The following EIF3B variants were observed in gnomAD, a reference collection of about 807,000 sequenced individuals.
EIF3B encodes eukaryotic translation initiation factor 3 subunit 9.
EIF3B carries 10 observed loss-of-function variants against 104.6 expected under a neutral mutation model. The ratio of observed to expected loss-of-function variants is 0.10; its 90% confidence interval spans 0.06 to 0.16. EIF3B has a LOEUF of 0.16. EIF3B is among the 10% of genes least tolerant of loss of function. The pLI, the probability that EIF3B is intolerant of heterozygous loss-of-function variation, is 1.00. For missense variants in EIF3B, 1,014 were observed against 1,087.9 expected (o/e 0.93, Z 0.96); for synonymous variants, 542 against 417.2 (o/e 1.30, Z -3.65).
At position 2,366,301 on chromosome 7, in the gene EIF3B, T is replaced by G. The variant is rs749669315; in HGVS notation, c.1158-16T>G. 1.3e-5 allele frequency: 20 copies of G among 1,592,612 alleles called. No homozygotes were observed. The highest frequency in any genetic ancestry group is 1.7e-5 in the Non-Finnish European group (20 of 1,170,784). On this transcript the variant is annotated splice_polypyrimidine_tract_variant and intron_variant, in intron 6 of 18. Coordinates refer to ENST00000360876, the MANE Select transcript of EIF3B (RefSeq NM_001037283.2). ...GTGAGAGGAGGATAGTGTACAGTGT[T>G]GCCCTTCTCTTCTAGGTACCTGGTG...
In EIF3B at chr7:2,354,941, T is replaced by A; in HGVS notation, c.20T>A (p.Val7Glu). ...GGGCCCATGCAGGACGCGGAGAACGTGGCGGTGCCCGAGGCGGCCGAGGAG... is the reference window on the plus strand; with the variant it reads ...GGGCCCATGCAGGACGCGGAGAACGAGGCGGTGCCCGAGGCGGCCGAGGAG... The part of the protein sequence containing the change: MQDAEN[V>E]AVPEAAEERA... Residue 7 changes from valine (V) to glutamate (E), a missense_variant, in exon 1 of 19, where the codon GTG (valine) becomes GAG (glutamate). Val to Glu is a moderately radical substitution (Grantham distance 121, BLOSUM62 -2). This residue lies in a region of EIF3B where 488 missense variants were observed against 404.3 expected (regional missense o/e 1.21). Coordinates refer to ENST00000360876, the MANE Select transcript of EIF3B (RefSeq NM_001037283.2). 8.2e-7 allele frequency: 1 copy of A among 1,226,246 alleles called. No homozygotes were observed. The allele number at this position is 1,226,246 out of a possible 1,614,324, so 76.0% of individuals were successfully genotyped here.
chr7:2,379,050 G>A lies in EIF3B; in HGVS notation c.2233-84G>A, dbSNP rs1031429304. The stretch of plus-strand genomic sequence containing the variant: ...AGTGCCTCTGTATGCTGTCCTTCTG[G>A]CACCGTCCGCCTGGGTGTGGGCTCT... On this transcript the variant is annotated intron_variant, in intron 16 of 18. Transcript: ENST00000360876. The A allele has an allele frequency of 2.0e-5, 24 of 1,184,108 alleles. No homozygotes were observed. The African/African-American group carries it at 3.2e-4, about 16-fold the overall frequency. The allele number at this position is 1,184,108 out of a possible 1,614,324, so 73.4% of individuals were successfully genotyped here. A position where few individuals can be genotyped will look rare whatever the true frequency, so the allele number is the denominator to read the frequency against.
At position 2,377,497 on chromosome 7, in the gene EIF3B, GGATGCTGTGTTGTGT is replaced by G. The variant is rs1237154410; in HGVS notation, c.2154+425_2154+439del. ...GAAGGAGCAGGCACGAGCGCTCCTG[GGATGCTGTGTTGTGT>G]GAATGACCCTGGGTGTCAAGGAGGA... On this transcript the variant is annotated intron_variant, in intron 15 of 18. Transcript: ENST00000360876. Among the ~76,000 whole-genome samples, 157 of 140,084 alleles carry G rather than the reference GGATGCTGTGTTGTGT, an allele frequency of 1.1e-3. 1 individual carries two copies. The highest frequency in any genetic ancestry group is 3.5e-3 in the African/African-American group (130 of 36,922). 91.9% of individuals were successfully genotyped at this position (140,084 alleles called of 152,430 possible).
In EIF3B at chr7:2,355,367, A is replaced by G. The variant is rs775335656; in HGVS notation, c.446A>G (p.Asp149Gly). 220 of 1,536,612 alleles carry G rather than the reference A, an allele frequency of 1.4e-4. No individual in the cohort carries two copies. The highest frequency in any genetic ancestry group is 4.5e-4 in the Admixed American group (23 of 51,196). The part of the protein sequence containing the change: ...EPRALENGDA[D>G]EPSFSDPEDF... Reference sequence around the variant, plus strand: ...CGGGCGCTGGAGAACGGCGACGCGGACGAGCCCTCCTTCAGCGACCCCGAG... The same window carrying G: ...CGGGCGCTGGAGAACGGCGACGCGGGCGAGCCCTCCTTCAGCGACCCCGAG... Residue 149 changes from aspartate (D) to glycine (G), a missense_variant, in exon 1 of 19, where the codon GAC (aspartate) becomes GGC (glycine). Coordinates refer to ENST00000360876, the MANE Select transcript of EIF3B (RefSeq NM_001037283.2).
chr7:2,355,155 C>A lies in EIF3B; in HGVS notation c.234C>A (p.Ser78=). The A allele has an allele frequency of 1.4e-6, 2 of 1,444,792 alleles. No homozygotes were observed. Among genetic ancestry groups the A allele is most frequent in the South Asian group, 1.4e-5 (1 of 71,896 alleles). The allele number at this position is 1,444,792 out of a possible 1,614,324, so 89.5% of individuals were successfully genotyped here. ...TEPAAEAEAA[S]GPSESPSPPA... The stretch of plus-strand genomic sequence containing the variant: ...CGGCGGCCGAGGCAGAGGCGGCCTC[C>A]GGCCCGTCCGAGTCGCCCTCGCCGC... The change falls in exon 1 of 19, where the codon TCC becomes TCA. Residue 78 remains serine (S), a synonymous_variant. Coordinates refer to ENST00000360876, the MANE Select transcript of EIF3B (RefSeq NM_001037283.2).
At position 2,378,612 on chromosome 7, in the gene EIF3B, T is replaced by C. The variant is rs965863895; in HGVS notation, c.2155-77T>C. 6.4e-5 allele frequency: 85 copies of C among 1,322,592 alleles called. 1 individual carries two copies. The South Asian group carries it at 8.4e-4, about 13-fold the overall frequency. The allele number at this position is 1,322,592 out of a possible 1,614,324, so 81.9% of individuals were successfully genotyped here. On this transcript the variant is annotated intron_variant, in intron 15 of 18. Coordinates refer to ENST00000360876, the MANE Select transcript of EIF3B (RefSeq NM_001037283.2). ...GTGAATGGCTTTGGGTGTCATGTCA[T>C]GTTGGCAACTCTGAAGATTGCATTT...
At position 2,354,910 on chromosome 7, in the gene EIF3B, A is replaced by G. The variant is rs988632949; in HGVS notation, c.-12A>G. The stretch of plus-strand genomic sequence containing the variant: ...CGGCCGCGGAGCCCTGCGAGTAGGC[A>G]GCGTTGGGCCCATGCAGGACGCGGA... On this transcript the variant is annotated 5_prime_UTR_variant, in exon 1 of 19. Transcript: ENST00000360876. 15 of 1,188,348 alleles carry G rather than the reference A, an allele frequency of 1.3e-5. No individual in the cohort carries two copies. The African/African-American group carries it at 2.3e-4, about 18-fold the overall frequency. 73.6% of individuals were successfully genotyped at this position (1,188,348 alleles called of 1,614,324 possible).
At chr7:2,368,894 T>C (rs1039560492) in intron 9 of EIF3B, among the ~76,000 whole-genome samples, 2 of 152,318 alleles carry the variant, frequency 1.3e-5, no homozygotes, top group Admixed American at 6.5e-5. Context: ...GCTTATAAAA[T>C]GAAAAGACCA....
At chr7:2,376,909 C>G (rs770154168) in intron 14 of EIF3B, 41 bp from the exon 15 acceptor site, 2 of 1,591,056 alleles carry the variant, frequency 1.3e-6, no homozygotes, top group East Asian at 4.5e-5. Flanking sequence ...TTGTGGCTCT[C>G]TGACCCCTCT....
intron 15 of EIF3B, chr7:2,378,436 G>C (rs568542981): frequency 2.8e-6 from 1 of 361,414 alleles, no homozygotes; most frequent in Non-Finnish European, 5.0e-6. Flanking sequence ...GAGCAGGCGC[G>C]AGCGCTCCTG....
chr7:2,370,465 G>T (rs1780269390), intron 10 of EIF3B, among the ~76,000 whole-genome samples: 1 of 151,986 alleles, frequency 6.6e-6, no homozygotes, highest in Admixed American at 6.5e-5. Context: ...TGGCGACAGA[G>T]CCAGACTGCG....
chr7:2,374,435 G>C, intron 12 of EIF3B, 93 bp from the exon 13 acceptor site: 1 of 1,237,194 alleles, frequency 8.1e-7, no homozygotes, highest in South Asian at 1.3e-5. Context: ...TGCCCTCATG[G>C]GCAGCATGAG....
intron 6 of EIF3B, among the ~76,000 whole-genome samples, chr7:2,365,391 C>T (rs1043712712): frequency 1.3e-5 from 2 of 151,716 alleles, no homozygotes; most frequent in Non-Finnish European, 2.9e-5. Context: ...CGAACGGGGG[C>T]CACTCTAGGG....
At chr7:2,372,433 T>C (rs943623348) in intron 11 of EIF3B, among the ~76,000 whole-genome samples, 1 of 152,102 alleles carries the variant, frequency 6.6e-6, no homozygotes, top group African/African-American at 2.4e-5. Flanking sequence ...CTGCTGTGGG[T>C]GTCCTGCTCT....
rs138890182 is a variant in EIF3B at position 2,364,367 on chromosome 7, T to G, written c.1000-5T>G. The G allele has an allele frequency of 1.9e-6, 3 of 1,581,980 alleles. No individual in the cohort carries two copies. Among genetic ancestry groups the G allele is most frequent in the Admixed American group, 1.9e-5 (1 of 51,600 alleles). ...TATTAACGTTGGCACTGCCTTTTTC[T>G]GCAGAGATGGACAGAGACGTATGTG... On this transcript the variant is annotated splice_region_variant and splice_polypyrimidine_tract_variant and intron_variant, in intron 5 of 18. Transcript: ENST00000360876.
intron 1 of EIF3B, among the ~76,000 whole-genome samples, chr7:2,359,908 G>A (rs1455264674): frequency 6.6e-6 from 1 of 152,208 alleles, no homozygotes; most frequent in African/African-American, 2.4e-5. Context: ...GAAAGACACT[G>A]TCACATCCCT....
rs1190257975 is a variant in EIF3B at position 2,369,698 on chromosome 7, C to T, written c.1614+16C>T. 1 of 1,609,078 alleles carries T rather than the reference C, an allele frequency of 6.2e-7. No individual in the cohort carries two copies. Among genetic ancestry groups the T allele is most frequent in the Non-Finnish European group, 8.5e-7 (1 of 1,177,052 alleles). ...AGGCACCCAGGTATGTAGATTCCCA[C>T]AGGAACTGACGATTCCTTATCCTGA... On this transcript the variant is annotated intron_variant, in intron 10 of 18. Transcript: ENST00000360876.
In EIF3B at chr7:2,366,822, T is replaced by C. The variant is rs1780052588; in HGVS notation, c.1357-177T>C. 4 of 812,254 alleles carry C rather than the reference T, an allele frequency of 4.9e-6. No homozygotes were observed. The South Asian group carries it at 6.8e-5, about 14-fold the overall frequency. 50.3% of individuals were successfully genotyped at this position (812,254 alleles called of 1,614,324 possible). On this transcript the variant is annotated intron_variant, in intron 8 of 18. Coordinates refer to ENST00000360876, the MANE Select transcript of EIF3B (RefSeq NM_001037283.2). ...CTGGATGGGAGTTAATGCAGTGGGC[T>C]TCAGAACTGCAGTTCTGGGTGGCGG... is the stretch of plus-strand genomic sequence containing the variant.
chr7:2,366,857 TG>T, intron 8 of EIF3B, 141 bp from the exon 9 acceptor site: 1 of 915,390 alleles, frequency 1.1e-6, no homozygotes. Flanking sequence ...GGTGGGTGGA[TG>T]GGTTCACTGT....
Sources: gnomAD v4.1 joint callset for allele counts (sites outside exome capture counted in the v4.1 genomes callset) on GRCh38, gnomAD v4.1.1 for gene constraint, gnomAD v4.1.1 regional missense constraint, MANE v1.5 for transcripts, NCBI Gene and HGNC (gene_info 2026-07-23, HGNC 2026-07-21) for gene names.